Variants in DAAM1 observed in about 807,000 individuals in gnomAD.
DAAM1 encodes disheveled-associated activator of morphogenesis 1.
In DAAM1, 52 loss-of-function variants were observed where a neutral mutation model predicts 130.0. The observed-to-expected ratio is 0.40, with a 90% CI of 0.32 to 0.50. The LOEUF (loss-of-function observed/expected upper bound fraction) is 0.50, where lower values mean the gene tolerates loss of function less well. DAAM1 is among the 20% of genes least tolerant of loss of function. The pLI, the probability that DAAM1 is intolerant of heterozygous loss-of-function variation, is 0.61. For missense variants in DAAM1, 1,134 were observed against 1,303.8 expected (o/e 0.87, Z 2.01); for synonymous variants, 452 against 444.5 (o/e 1.02, Z -0.21).
At chr14:59,217,929 C>T (rs555770104) in intron 1 of DAAM1, among the ~76,000 whole-genome samples, 19 of 150,990 alleles carry the variant, frequency 1.3e-4, no homozygotes, top group Non-Finnish European at 2.4e-4. Context: ...GGAGGTTGCA[C>T]GCCACTGCAC....
At chr14:59,198,680 G>C (rs536746852) in intron 1 of DAAM1, among the ~76,000 whole-genome samples, 1 of 152,334 alleles carries the variant, frequency 6.6e-6, no homozygotes, top group East Asian at 1.9e-4. Flanking sequence ...AATGAGGAAG[G>C]AGGATAATGC....
intron 17 of DAAM1, among the ~76,000 whole-genome samples, chr14:59,352,219 T>A (rs1316777621): frequency 6.6e-6 from 1 of 152,154 alleles, no homozygotes; most frequent in Non-Finnish European, 1.5e-5. Context: ...GATGAGAGCA[T>A]TGACTCCCTA....
At chr14:59,242,963 G>A (rs557501442) in intron 1 of DAAM1, among the ~76,000 whole-genome samples, 1 of 152,110 alleles carries the variant, frequency 6.6e-6, no homozygotes, top group Non-Finnish European at 1.5e-5. Context: ...ATGAAAGAAC[G>A]AATCCTTGAA....
Position 59,192,152 on chromosome 14 carries a change from GTGTGTGT to G in DAAM1, c.-38+3385_-38+3391del, listed in dbSNP as rs1887752118. Among the ~76,000 whole-genome samples, 6 of 43,242 alleles carry G rather than the reference GTGTGTGT, an allele frequency of 1.4e-4. No homozygotes were observed. In the East Asian group the frequency reaches 2.5e-3, roughly 18 times the overall value. 28.4% of individuals were successfully genotyped at this position (43,242 alleles called of 152,430 possible). On this transcript the variant is annotated intron_variant, in intron 1 of 24. Transcript: ENST00000360909. ...GGACATGTTCTGCTTGTTAAGGGGT[GTGTGTGT>G]GTGTGTGTGTGTGTGTGTGTGTGTG...
At chr14:59,341,418 GT>G (rs1288415747) in intron 16 of DAAM1, among the ~76,000 whole-genome samples, 1 of 152,098 alleles carries the variant, frequency 6.6e-6, no homozygotes, top group Admixed American at 6.6e-5. Flanking sequence ...CTTATCCACA[GT>G]TTCACTTTCT....
chr14:59,347,490 T>A, intron 16 of DAAM1, 49 bp from the exon 17 acceptor site: 1 of 1,553,926 alleles, frequency 6.4e-7, no homozygotes, highest in African/African-American at 1.4e-5. Flanking sequence ...TTATGTTAAA[T>A]TTTAATACTC....
chr14:59,303,647 C>T (rs975868692), intron 3 of DAAM1, among the ~76,000 whole-genome samples: 12 of 152,046 alleles, frequency 7.9e-5, no homozygotes, highest in Non-Finnish European at 1.0e-4. Flanking sequence ...CTGTAATCCC[C>T]GCACTTTGGG....
At position 59,262,336 on chromosome 14, in the gene DAAM1, G is replaced by T. The variant is rs577322827; in HGVS notation, c.-37-1105G>T. 6.6e-5 allele frequency among the ~76,000 whole-genome samples: 10 copies of T among 152,128 alleles called. No individual in the cohort carries two copies. In the East Asian group the frequency reaches 1.9e-3, roughly 29 times the overall value. ...ATGCCTATTGTTCTTCTTTGACTTG[G>T]TTTTTTCAATAGACAGTATCAACTG... On this transcript the variant is annotated intron_variant, in intron 1 of 24. Coordinates refer to ENST00000360909, the MANE Select transcript of DAAM1 (RefSeq NM_001270520.2).
intron 1 of DAAM1, among the ~76,000 whole-genome samples, chr14:59,203,887 AAACT>A (rs1371829467): frequency 2.6e-5 from 4 of 152,224 alleles, no homozygotes; most frequent in Admixed American, 2.0e-4. Context: ...CTTGCCTATA[AAACT>A]AACTGTGTTG....
Position 59,369,198 on chromosome 14 carries a change from T to G in DAAM1, c.*339T>G, listed in dbSNP as rs1887045894. ...GCACAATACTATCTCCTGAAAGAGA[T>G]AAGAGACATTCCCTAGATTCAAAGG... is the stretch of plus-strand genomic sequence containing the variant. On this transcript the variant is annotated 3_prime_UTR_variant, in exon 25 of 25. Coordinates refer to ENST00000360909, the MANE Select transcript of DAAM1 (RefSeq NM_001270520.2). 1 of 173,614 alleles carries G rather than the reference T, an allele frequency of 5.8e-6. No homozygotes were observed. Among genetic ancestry groups the G allele is most frequent in the Non-Finnish European group, 1.2e-5 (1 of 82,368 alleles). 10.8% of individuals were successfully genotyped at this position (173,614 alleles called of 1,614,324 possible). A position where few individuals can be genotyped will look rare whatever the true frequency, so the allele number is the denominator to read the frequency against.
chr14:59,296,037 A>G (rs10047937), intron 3 of DAAM1, among the ~76,000 whole-genome samples: 2,011 of 152,310 alleles, frequency 0.013, 48 homozygotes, highest in African/African-American at 0.046. Flanking sequence ...GTCTTCTGCA[A>G]TTGAGTTTTC....
intron 16 of DAAM1, 102 bp downstream of exon 16, chr14:59,340,282 G>A (rs948205583): frequency 2.3e-5 from 24 of 1,058,390 alleles, no homozygotes; most frequent in Non-Finnish European, 3.3e-5. Flanking sequence ...ACTCTGCTGA[G>A]GTACAGTTCT....
At chr14:59,361,328 G>A (rs562118064) in intron 22 of DAAM1, among the ~76,000 whole-genome samples, 1 of 152,272 alleles carries the variant, frequency 6.6e-6, no homozygotes, top group South Asian at 2.1e-4. Flanking sequence ...GGGTCACGAT[G>A]ACTCAGAATC....
chr14:59,208,330 T>C (rs1224599374), intron 1 of DAAM1, among the ~76,000 whole-genome samples: 1 of 152,182 alleles, frequency 6.6e-6, no homozygotes. Context: ...CCCTTCCTTA[T>C]GAGCCTTTAA....
intron 4 of DAAM1, among the ~76,000 whole-genome samples, chr14:59,317,370 C>T (rs1025869541): frequency 6.6e-6 from 1 of 152,112 alleles, no homozygotes; most frequent in Non-Finnish European, 1.5e-5. Flanking sequence ...TTCTGTTTTT[C>T]TCAACATTCT....
In DAAM1 at chr14:59,330,638, G is replaced by A; in HGVS notation, c.1510G>A (p.Val504Ile). Residue 504 changes from valine (V) to isoleucine (I), a missense_variant, in exon 13 of 25, where the codon GTC becomes ATC. Coordinates refer to ENST00000360909, the MANE Select transcript of DAAM1 (RefSeq NM_001270520.2). ...LEKETTEHKQ[V>I]KQQVADLTAQ... ...AAAGGAGACTACTGAGCATAAGCAA[G>A]TCAAGCAGCAGGTGGCGGACCTCAC... The A allele has an allele frequency of 6.2e-7, 1 of 1,613,962 alleles. No individual in the cohort carries two copies. Among genetic ancestry groups the A allele is most frequent in the South Asian group, 1.1e-5 (1 of 91,060 alleles).
At chr14:59,280,565 T>C (rs1304381011) in intron 2 of DAAM1, among the ~76,000 whole-genome samples, 2 of 142,560 alleles carry the variant, frequency 1.4e-5, no homozygotes, top group Non-Finnish European at 3.1e-5. Flanking sequence ...TTTTCATTTC[T>C]GCTATGTCAG....
intron 3 of DAAM1, among the ~76,000 whole-genome samples, chr14:59,297,528 G>A (rs1427749385): frequency 6.6e-6 from 1 of 152,134 alleles, no homozygotes; most frequent in African/African-American, 2.4e-5. Context: ...TGTTTCTAAA[G>A]AAATTTTAAT....
intron 2 of DAAM1, among the ~76,000 whole-genome samples, chr14:59,277,329 C>G (rs971171667): frequency 3.9e-5 from 6 of 152,058 alleles, no homozygotes; most frequent in Non-Finnish European, 5.9e-5. Context: ...ACAGAACTGC[C>G]TGCTTATTCT....
Sources: gnomAD v4.1 joint callset for allele counts (sites outside exome capture counted in the v4.1 genomes callset) on GRCh38, gnomAD v4.1.1 for gene constraint, MANE v1.5 for transcripts, NCBI Gene and HGNC (gene_info 2026-07-23, HGNC 2026-07-21) for gene names.